Variants in WWP2 observed in about 807,000 individuals in gnomAD.
The protein encoded by WWP2 is NEDD4-like E3 ubiquitin-protein ligase WWP2.
A neutral mutation model predicts 121.0 loss-of-function variants in WWP2; 57 were observed. That is an observed-to-expected ratio of 0.47 (90% confidence interval 0.38 to 0.59). The LOEUF is 0.59. WWP2 is among the 20% of genes least tolerant of loss of function. The pLI, the probability that WWP2 is intolerant of heterozygous loss-of-function variation, is 0.00. For synonymous variants in WWP2, 449 were observed against 441.3 expected, an observed-to-expected ratio of 1.02 and a Z score of -0.22; for missense variants, 962 against 1,158.9, an observed-to-expected ratio of 0.83 and a Z score of 2.47.
In WWP2 at chr16:69,840,242, A is replaced by G. The variant is rs1028535458; in HGVS notation, c.457A>G (p.Asn153Asp). The G allele has an allele frequency of 5.6e-6, 9 of 1,614,038 alleles. No homozygotes were observed. Among genetic ancestry groups the G allele is most frequent in the African/African-American group, 5.3e-5 (4 of 74,918 alleles). Reference sequence around the variant, plus strand: ...AACTGTTGATCTGGGAAATGTGCCTAATGGCAGTGCCCTGACAGATGGTGA... The same window carrying G: ...AACTGTTGATCTGGGAAATGTGCCTGATGGCAGTGCCCTGACAGATGGTGA... ...GPTVDLGNVP[N>D]GSALTDGSQL... Residue 153 changes from asparagine to aspartate, a missense_variant, in exon 5 of 24, where the codon AAT (asparagine) becomes GAT (aspartate). By Grantham distance (23) the Asn-to-Asp change is conservative (BLOSUM62 1). Around this residue, in one of 3 missense-constraint regions of WWP2, gnomAD observed 145 missense variants for 189.8 expected, o/e 0.76. Transcript: ENST00000359154.
chr16:69,903,409 A>G (rs1567419431), intron 8 of WWP2, among the ~76,000 whole-genome samples: 1 of 152,244 alleles, frequency 6.6e-6, no homozygotes, highest in Non-Finnish European at 1.5e-5. Flanking sequence ...CCTTGTCTCA[A>G]ATGAACATAA....
intron 6 of WWP2, among the ~76,000 whole-genome samples, chr16:69,855,431 C>T (rs1456359302): frequency 3.3e-5 from 5 of 152,196 alleles, no homozygotes; most frequent in Admixed American, 2.6e-4. Flanking sequence ...CTAGTCCTCT[C>T]TAGAAACATT....
At chr16:69,920,671 G>A (rs2058547454) in intron 10 of WWP2, among the ~76,000 whole-genome samples, 1 of 151,980 alleles carries the variant, frequency 6.6e-6, no homozygotes, top group Non-Finnish European at 1.5e-5. Context: ...TGTAATTCCA[G>A]CAACTTGGAA....
Position 69,821,024 on chromosome 16 carries a change from C to T in WWP2, c.341-19102C>T, listed in dbSNP as rs531628228. 9.2e-5 allele frequency among the ~76,000 whole-genome samples: 14 copies of T among 152,354 alleles called. No homozygotes were observed. The South Asian group carries it at 2.3e-3, about 25-fold the overall frequency. On this transcript the variant is annotated intron_variant, in intron 4 of 23. Coordinates refer to ENST00000359154, the MANE Select transcript of WWP2 (RefSeq NM_001270454.2). Reference sequence around the variant, plus strand: ...GCTATGGGCTGAGCCCAGTTCCAGCCGCCAAATGCAAGCCGTTGTTTCATT... The same window carrying T: ...GCTATGGGCTGAGCCCAGTTCCAGCTGCCAAATGCAAGCCGTTGTTTCATT...
chr16:69,810,715 C>A (rs996542688), intron 4 of WWP2, among the ~76,000 whole-genome samples: 1 of 151,620 alleles, frequency 6.6e-6, no homozygotes, highest in Non-Finnish European at 1.5e-5. Context: ...CAGGCATGAG[C>A]CACTGCGCCC....
chr16:69,895,426 G>A (rs766912179), intron 8 of WWP2, among the ~76,000 whole-genome samples: 2 of 152,176 alleles, frequency 1.3e-5, no homozygotes, highest in Non-Finnish European at 1.5e-5. Flanking sequence ...TCAATGAGAC[G>A]AATCTATTGA....
chr16:69,771,324 T>G (rs187661604), intron 1 of WWP2, among the ~76,000 whole-genome samples: 1 of 152,306 alleles, frequency 6.6e-6, no homozygotes, highest in East Asian at 1.9e-4. Context: ...CTTGGCTCAC[T>G]GCAACCTCCG....
intron 8 of WWP2, among the ~76,000 whole-genome samples, chr16:69,891,596 A>C (rs1258265576): frequency 1.3e-5 from 2 of 152,156 alleles, no homozygotes; most frequent in Non-Finnish European, 2.9e-5. Flanking sequence ...GCTAAACAAG[A>C]AATGGTTCTT....
chr16:69,841,278 A>G (rs1010250690), intron 5 of WWP2, among the ~76,000 whole-genome samples: 2 of 152,216 alleles, frequency 1.3e-5, no homozygotes, highest in Non-Finnish European at 1.5e-5. Context: ...AGTGAAAACC[A>G]CAGGGTGCTA....
chr16:69,839,989 C>G (rs78354043), intron 4 of WWP2, 137 bp from the exon 5 acceptor site: 3 of 1,265,558 alleles, frequency 2.4e-6, no homozygotes, highest in Non-Finnish European at 3.3e-6. Context: ...TTCCATGCCA[C>G]GAGGCAAAAT....
chr16:69,822,343 G>A (rs905020582), intron 4 of WWP2, among the ~76,000 whole-genome samples: 4 of 152,150 alleles, frequency 2.6e-5, no homozygotes, highest in African/African-American at 4.8e-5. Flanking sequence ...TTTGAATTCC[G>A]AGCTAGAGGC....
At chr16:69,914,120 A>G (rs1461392962) in intron 9 of WWP2, among the ~76,000 whole-genome samples, 4 of 149,128 alleles carry the variant, frequency 2.7e-5, no homozygotes, top group Non-Finnish European at 4.5e-5. Flanking sequence ...AAATTTGGAG[A>G]TAAGAAGATG....
intron 10 of WWP2, among the ~76,000 whole-genome samples, chr16:69,923,114 T>G (rs1017981586): frequency 2.6e-5 from 4 of 152,118 alleles, no homozygotes; most frequent in African/African-American, 9.7e-5. Context: ...GGTCTCGAAC[T>G]CCTGACCTCA....
At chr16:69,923,477 T>G (rs997098513) in intron 10 of WWP2, among the ~76,000 whole-genome samples, 7 of 152,180 alleles carry the variant, frequency 4.6e-5, no homozygotes, top group Admixed American at 3.9e-4. Flanking sequence ...CTGATCCTAG[T>G]TCAGTGCTAG....
At chr16:69,890,494 C>T (rs1203216767) in intron 8 of WWP2, among the ~76,000 whole-genome samples, 1 of 152,124 alleles carries the variant, frequency 6.6e-6, no homozygotes, top group Non-Finnish European at 1.5e-5. Context: ...AAGGAATACT[C>T]GAAAGACCTT....
intron 4 of WWP2, among the ~76,000 whole-genome samples, chr16:69,839,876 T>G (rs1390740999): frequency 6.6e-6 from 1 of 152,192 alleles, no homozygotes; most frequent in Non-Finnish European, 1.5e-5. Context: ...ATGTGGAAAT[T>G]ATGGTGCTGA....
intron 1 of WWP2, among the ~76,000 whole-genome samples, chr16:69,779,210 C>T (rs769347287): frequency 2.6e-5 from 4 of 152,228 alleles, no homozygotes; most frequent in Non-Finnish European, 4.4e-5. Flanking sequence ...CTCGGCCTCC[C>T]GAAGTGCTGG....
intron 8 of WWP2, among the ~76,000 whole-genome samples, chr16:69,904,402 T>C (rs1224400220): frequency 6.8e-6 from 1 of 147,334 alleles, no homozygotes; most frequent in Non-Finnish European, 1.5e-5. Flanking sequence ...TGAGTTGGGG[T>C]CTATTGCCTA....
chr16:69,933,839 C>T lies in WWP2; in HGVS notation c.1683-131C>T. The T allele has an allele frequency of 3.7e-6, 4 of 1,076,858 alleles. No individual in the cohort carries two copies. In the South Asian group the frequency reaches 6.0e-5, roughly 16 times the overall value. The allele number at this position is 1,076,858 out of a possible 1,614,324, so 66.7% of individuals were successfully genotyped here. A position where few individuals can be genotyped will look rare whatever the true frequency, so the allele number is the denominator to read the frequency against. ...CATATAGGTTAGCCCGGGTGCTTGTCACAGGGCTCGACTCCCTGGGACACG... is the reference window on the plus strand; with the variant it reads ...CATATAGGTTAGCCCGGGTGCTTGTTACAGGGCTCGACTCCCTGGGACACG... On this transcript the variant is annotated intron_variant, in intron 16 of 23. Transcript: ENST00000359154.
Sources: gnomAD v4.1 joint callset for allele counts (sites outside exome capture counted in the v4.1 genomes callset) on GRCh38, gnomAD v4.1.1 for gene constraint, gnomAD v4.1.1 regional missense constraint, MANE v1.5 for transcripts, NCBI Gene and HGNC (gene_info 2026-07-23, HGNC 2026-07-21) for gene names.